The following DPP6 variants were observed in gnomAD, a reference collection of about 807,000 sequenced individuals.
The protein encoded by DPP6 is dipeptidyl peptidase like 6, also known as A-type potassium channel modulatory protein DPP6.
In DPP6, 69 loss-of-function variants were observed where a neutral mutation model predicts 122.6. The ratio of observed to expected loss-of-function variants is 0.56; its 90% CI spans 0.46 to 0.69. The LOEUF is 0.69. Among genes scored for constraint, DPP6 ranks in the 30% least tolerant of loss-of-function variants. DPP6 has a pLI of 0.00. For missense variants in DPP6, 928 were observed against 1,116.9 expected (o/e 0.83, Z 2.41); for synonymous variants, 418 against 433.1 (o/e 0.97, Z 0.43).
chr7:153,813,974 C>A, the DPP6 span, among the ~76,000 whole-genome samples: 6 of 152,012 alleles, frequency 3.9e-5, no homozygotes, highest in South Asian at 2.1e-4. Flanking sequence ...CTGTAGGTTG[C>A]CTGTTCACTC....
At chr7:153,843,057 T>TACACGAGTGCATACACACGTGCGCACAC in the DPP6 span, among the ~76,000 whole-genome samples, 4 of 151,332 alleles carry the variant, frequency 2.6e-5, no homozygotes, top group Non-Finnish European at 4.4e-5. Context: ...CATGAGTGCA[T>TACACGAGTGCATACACACGTGCGCACAC]ACACGAGTGC....
At chr7:154,480,732 T>A (rs1823193475) in intron 3 of DPP6, among the ~76,000 whole-genome samples, 1 of 152,180 alleles carries the variant, frequency 6.6e-6, no homozygotes, top group African/African-American at 2.4e-5. Flanking sequence ...ATCTCTCAGA[T>A]GTCTGAGAGA....
chr7:154,360,964 C>T (rs114616606), intron 1 of DPP6, among the ~76,000 whole-genome samples: 207 of 152,192 alleles, frequency 1.4e-3, no homozygotes, highest in African/African-American at 4.8e-3. Context: ...TCTGTATAAT[C>T]AGATGCTGAA....
chr7:153,765,245 T>C, the DPP6 span, among the ~76,000 whole-genome samples: 1 of 152,120 alleles, frequency 6.6e-6, no homozygotes, highest in African/African-American at 2.4e-5. Context: ...CTTTTAACTT[T>C]TGGTGCCCGG....
At chr7:154,548,078 A>G (rs1337291840) in intron 4 of DPP6, among the ~76,000 whole-genome samples, 1 of 151,928 alleles carries the variant, frequency 6.6e-6, no homozygotes, top group East Asian at 1.9e-4. Flanking sequence ...GCGTGGTGGC[A>G]GGCGCCTGTA....
the DPP6 span, among the ~76,000 whole-genome samples, chr7:153,831,784 C>G: frequency 6.6e-6 from 1 of 151,960 alleles, no homozygotes; most frequent in South Asian, 2.1e-4. Context: ...GCCCATGAGG[C>G]GATTGTTTGC....
intron 1 of DPP6, among the ~76,000 whole-genome samples, chr7:154,244,839 C>T (rs1801868708): frequency 1.3e-5 from 2 of 151,904 alleles, no homozygotes; most frequent in South Asian, 4.2e-4. Flanking sequence ...GTATAGGAAA[C>T]TTAAAACTAA....
the DPP6 span, among the ~76,000 whole-genome samples, chr7:153,836,674 T>C: frequency 5.9e-5 from 9 of 152,242 alleles, no homozygotes; most frequent in African/African-American, 2.2e-4. Flanking sequence ...TCATAAAACG[T>C]AGGTAGCCTG....
In DPP6 at chr7:154,801,385, C is replaced by T. The variant is rs1431993522; in HGVS notation, c.1330C>T (p.Arg444Ter). 15 of 1,595,390 alleles carry T rather than the reference C, an allele frequency of 9.4e-6. No individual in the cohort carries two copies. Among genetic ancestry groups the T allele is most frequent in the Non-Finnish European group, 1.2e-5 (14 of 1,170,250 alleles). ...NEEPVFSKDGRKFFFIRAIPQ... is the reference protein window; with the variant it reads ...NEEPVFSKDG ...AGAACCTGTGTTCTCCAAGGATGGCCGAAAGTTTTTCTTCATCAGAGCCAT... is the reference window on the plus strand; with the variant it reads ...AGAACCTGTGTTCTCCAAGGATGGCTGAAAGTTTTTCTTCATCAGAGCCAT... The change falls in exon 13 of 26, where the codon CGA becomes TGA. Residue 444 changes from arginine (R) to a stop codon, truncating the protein, a stop_gained. Coordinates refer to ENST00000377770, the MANE Select transcript of DPP6 (RefSeq NM_130797.4). LOFTEE classifies it high-confidence loss of function.
rs71182879 is a variant in DPP6 at position 154,127,597 on chromosome 7, T to TCACACACACA, written c.243+74561_243+74570dup. ...AGTTGGGGTAAACAGGAGCAGCATC[T>TCACACACACA]CACACACACACACACACACACACAC... On this transcript the variant is annotated intron_variant, in intron 1 of 25. Transcript: ENST00000377770. Among the ~76,000 whole-genome samples the TCACACACACA allele has an allele frequency of 2.9e-3, 403 of 136,672 alleles. 1 individual carries two copies. The highest frequency in any genetic ancestry group is 0.012 in the African/African-American group (375 of 32,476). 89.7% of individuals were successfully genotyped at this position (136,672 alleles called of 152,430 possible).
intron 1 of DPP6, among the ~76,000 whole-genome samples, chr7:154,309,357 C>T (rs186275593): frequency 1.3e-5 from 2 of 152,110 alleles, no homozygotes; most frequent in African/African-American, 4.8e-5. Context: ...AATTATGAGC[C>T]CCAGGACCTA....
chr7:154,281,920 A>T (rs1804541254), intron 1 of DPP6, among the ~76,000 whole-genome samples: 2 of 152,202 alleles, frequency 1.3e-5, no homozygotes, highest in African/African-American at 2.4e-5. Flanking sequence ...CCAGATGCTC[A>T]GCATCCAGTA....
chr7:154,253,539 G>A (rs75954996), intron 1 of DPP6, among the ~76,000 whole-genome samples: 1,536 of 152,268 alleles, frequency 0.01, 24 homozygotes, highest in African/African-American at 0.035. Flanking sequence ...TTGACTAGAC[G>A]TGATTTCACA....
At chr7:154,560,253 T>C (rs770718514) in intron 4 of DPP6, among the ~76,000 whole-genome samples, 20 of 152,248 alleles carry the variant, frequency 1.3e-4, no homozygotes, top group Non-Finnish European at 2.4e-4. Context: ...CCTTTAAATA[T>C]AATAAAATAT....
At chr7:154,026,914 A>C (rs1030079283) in intron 1 of DPP6, 5 of 151,188 alleles carry the variant, frequency 3.3e-5, no homozygotes, top group Non-Finnish European at 7.4e-5. Flanking sequence ...GATATAAACA[A>C]ATGAGATACC....
rs139329091 is a variant in DPP6, at chr7:154,833,408, G to C, written c.1667-20372G>C. Among the ~76,000 whole-genome samples, 37 of 152,316 alleles carry C rather than the reference G, an allele frequency of 2.4e-4. No individual in the cohort carries two copies. Among genetic ancestry groups the C allele is most frequent in the Non-Finnish European group, 4.1e-4 (28 of 68,026 alleles). Reference sequence around the variant, plus strand: ...AGGAAAAGGCAGACAACCCCTCATCGAGAAGGAGCAAGAAGTGACTTCTGT... The same window carrying C: ...AGGAAAAGGCAGACAACCCCTCATCCAGAAGGAGCAAGAAGTGACTTCTGT... On this transcript the variant is annotated intron_variant, in intron 16 of 25. Transcript: ENST00000377770. The surrounding 1 kb of genome is among the most constrained non-coding windows in gnomAD (Gnocchi z 4.3).
intron 16 of DPP6, among the ~76,000 whole-genome samples, chr7:154,834,195 C>T (rs894756548): frequency 2.0e-5 from 3 of 151,888 alleles, no homozygotes; most frequent in Non-Finnish European, 4.4e-5. Flanking sequence ...CAGCCGGGTG[C>T]AGTGGCTCAC....
intron 1 of DPP6, among the ~76,000 whole-genome samples, chr7:154,301,781 G>T (rs190154764): frequency 1.5e-3 from 217 of 144,002 alleles, no homozygotes; most frequent in African/African-American, 5.4e-3. Context: ...TACAAGATCT[G>T]CCCTCTTTTT....
chr7:154,778,986 ATCACCT>A (rs2150396983), intron 10 of DPP6, among the ~76,000 whole-genome samples: 1 of 140,780 alleles, frequency 7.1e-6, no homozygotes, highest in Non-Finnish European at 1.5e-5. Context: ...CATCACCTCC[ATCACCT>A]CCACAACCTC....
Sources: gnomAD v4.1 joint callset for allele counts (sites outside exome capture counted in the v4.1 genomes callset) on GRCh38, gnomAD v4.1.1 for gene constraint, Gnocchi (gnomAD v3.1) non-coding constraint, MANE v1.5 for transcripts, NCBI Gene and HGNC (gene_info 2026-07-23, HGNC 2026-07-21) for gene names.